The following NOTCH2 variants were observed in gnomAD, a reference collection of about 807,000 sequenced individuals.
NOTCH2 encodes neurogenic locus notch homolog protein 2.
NOTCH2 carries 29 observed loss-of-function variants against 235.8 expected under a neutral mutation model. The observed-to-expected ratio is 0.12, with a 90% CI of 0.09 to 0.17. The LOEUF (loss-of-function observed/expected upper bound fraction) is 0.17. Among genes scored for constraint, NOTCH2 ranks in the 10% least tolerant of loss-of-function variants. The pLI is 1.00. For synonymous variants in NOTCH2, 1,086 were observed against 1,141.5 expected, an observed-to-expected ratio of 0.95 and a Z score of 0.98; for missense variants, 2,285 against 3,150.2, an observed-to-expected ratio of 0.73 and a Z score of 6.57.
In NOTCH2 at chr1:119,915,774, G is replaced by A. The variant is rs1649044584; in HGVS notation, c.6948C>T (p.Ala2316=). Residue 2316 remains alanine (A), a synonymous_variant, in exon 34 of 34, where the codon GCC becomes GCT. Coordinates refer to ENST00000256646, the MANE Select transcript of NOTCH2 (RefSeq NM_024408.4). ...GAGGCTGGGGAGCCCCCGCTGGTTG[G>A]GCAATACTGCCTTTAGGGATGAGCT... is the stretch of plus-strand genomic sequence containing the variant. ...TFQLIPKGSI[A]QPAGAPQPQS... 3 of 1,609,832 alleles carry A rather than the reference G, an allele frequency of 1.9e-6. No homozygotes were observed. The highest frequency in any genetic ancestry group is 1.1e-5 in the South Asian group (1 of 90,828).
At chr1:119,975,818 C>T (rs1276642814) in intron 5 of NOTCH2, among the ~76,000 whole-genome samples, 6 of 152,148 alleles carry the variant, frequency 3.9e-5, no homozygotes, top group South Asian at 2.1e-4. Context: ...CTGTAACACG[C>T]AGGGACACAA....
In NOTCH2 at chr1:119,953,587, T is replaced by A; in HGVS notation, c.2321A>T (p.Asn774Ile). The A allele has an allele frequency of 6.2e-7, 1 of 1,614,202 alleles. No individual in the cohort carries two copies. The highest frequency in any genetic ancestry group is 8.5e-7 in the Non-Finnish European group (1 of 1,180,032). The stretch of plus-strand genomic sequence containing the variant: ...AGTACACCTGTATCCATTCACCAGA[T>A]TGTCACAAGTTCCTCCATTCTGGCA... ...NPCQNGGTCD[N>I]LVNGYRCTCK... Residue 774 changes from asparagine (N) to isoleucine (I), a missense_variant, in exon 14 of 34, where the codon AAT becomes ATT. By Grantham distance (149) the Asn-to-Ile change is moderately radical (BLOSUM62 -3). Transcript: ENST00000256646.
At chr1:120,000,439 C>A (rs1652703482) in intron 3 of NOTCH2, among the ~76,000 whole-genome samples, 1 of 145,532 alleles carries the variant, frequency 6.9e-6, no homozygotes, top group African/African-American at 2.6e-5. Flanking sequence ...GAGGCTGAGG[C>A]AGAAGAATGG....
At chr1:120,002,547 CT>C (rs1652804865) in intron 3 of NOTCH2, among the ~76,000 whole-genome samples, 1 of 146,392 alleles carries the variant, frequency 6.8e-6, no homozygotes, top group Admixed American at 6.8e-5. Context: ...AAAACATAAC[CT>C]GCTGAGGTGT....
chr1:119,954,549 C>T (rs1335042087), intron 13 of NOTCH2, among the ~76,000 whole-genome samples: 1 of 152,160 alleles, frequency 6.6e-6, no homozygotes, highest in East Asian at 1.9e-4. Flanking sequence ...ATCACTAACA[C>T]ATCACACAAG....
chr1:119,916,784 A>G, intron 33 of NOTCH2, 90 bp from the exon 34 acceptor site: 1 of 1,310,268 alleles, frequency 7.6e-7, no homozygotes, highest in South Asian at 1.3e-5. Flanking sequence ...TCACCCCCTT[A>G]GACATGTTTT....
chr1:120,069,342 G>A lies in NOTCH2; in HGVS notation c.65C>T (p.Pro22Leu), dbSNP rs782038396. ...LLALWLCCAA[P>L]AHALQCRDGY... Reference sequence around the variant, plus strand: ...CTCAGCCCGATACTCACCATGCGCGGGGGCCGCGCAGCACAGCCAGAGCGC... The same window carrying A: ...CTCAGCCCGATACTCACCATGCGCGAGGGCCGCGCAGCACAGCCAGAGCGC... Residue 22 changes from proline to leucine, a missense_variant, in exon 1 of 34, where the codon CCC (proline) becomes CTC (leucine). By Grantham distance (98) the Pro-to-Leu change is moderately conservative. Coordinates refer to ENST00000256646, the MANE Select transcript of NOTCH2 (RefSeq NM_024408.4). 13 of 1,570,034 alleles carry A rather than the reference G, an allele frequency of 8.3e-6. No individual in the cohort carries two copies. The highest frequency in any genetic ancestry group is 2.3e-5 in the East Asian group (1 of 43,118).
chr1:119,925,066 G>T (rs929767272), intron 25 of NOTCH2, among the ~76,000 whole-genome samples: 1 of 152,190 alleles, frequency 6.6e-6, no homozygotes, highest in Non-Finnish European at 1.5e-5. Flanking sequence ...AGGAGGTCAC[G>T]AAGGCAGCAG....
intron 15 of NOTCH2, 61 bp downstream of exon 15, chr1:119,950,663 G>C (rs2101118185): frequency 9.7e-7 from 1 of 1,035,680 alleles, no homozygotes; most frequent in East Asian, 2.4e-5. Context: ...CTGAGACTCA[G>C]GCACTGACAA....
chr1:119,961,366 C>T (rs1650930759), intron 11 of NOTCH2, among the ~76,000 whole-genome samples: 1 of 152,208 alleles, frequency 6.6e-6, no homozygotes, highest in Admixed American at 6.5e-5. Flanking sequence ...GAAGGCAGCA[C>T]CCCCTCCCAA....
At chr1:119,921,838 G>T (rs1369794043) in intron 28 of NOTCH2, 29 bp from the exon 29 acceptor site, 1 of 1,554,792 alleles carries the variant, frequency 6.4e-7, no homozygotes, top group Non-Finnish European at 8.9e-7. Flanking sequence ...GAAAAAATAA[G>T]AATGGCAGTC....
At position 119,969,587 on chromosome 1, in the gene NOTCH2, G is replaced by A. The variant is rs782702694; in HGVS notation, c.1032C>T (p.Phe344=). 3.9e-5 allele frequency: 63 copies of A among 1,614,036 alleles called. No homozygotes were observed. Among genetic ancestry groups the A allele is most frequent in the South Asian group, 1.9e-4 (17 of 91,080 alleles). The change falls in exon 6 of 34, where the codon TTC becomes TTT. Residue 344 remains phenylalanine (F), a synonymous_variant. Coordinates refer to ENST00000256646, the MANE Select transcript of NOTCH2 (RefSeq NM_024408.4). ...DCSENIDDCA[F]ASCTPGSTCI... ...AGGTGGAGCCTGGAGTACAGGAGGC[G>A]AAGGCACAATCATCAATGTTCTCAC...
At chr1:120,009,705 G>A (rs1553206676) in intron 2 of NOTCH2, among the ~76,000 whole-genome samples, 1 of 149,568 alleles carries the variant, frequency 6.7e-6, no homozygotes, top group Non-Finnish European at 1.5e-5. Flanking sequence ...CCTATAGGGA[G>A]AATTGCTAAC....
intron 22 of NOTCH2, 147 bp from the exon 23 acceptor site, chr1:119,929,359 GCA>G (rs1380214524): frequency 1.4e-6 from 1 of 714,688 alleles, no homozygotes; most frequent in Non-Finnish European, 2.5e-6. Context: ...GCAGGGCAAA[GCA>G]CACTCTTTAT....
chr1:120,062,848 C>T (rs1435157945), intron 1 of NOTCH2, among the ~76,000 whole-genome samples: 1 of 152,046 alleles, frequency 6.6e-6, no homozygotes, highest in Non-Finnish European at 1.5e-5. Context: ...TATGTATTTA[C>T]ATACACAAGT....
chr1:119,998,009 T>C (rs1283201722), intron 3 of NOTCH2, among the ~76,000 whole-genome samples: 3 of 149,466 alleles, frequency 2.0e-5, no homozygotes, highest in South Asian at 2.2e-4. Flanking sequence ...TCCCTTCTGT[T>C]TTCCTAGTGA....
At chr1:119,984,977 C>CCTA in intron 5 of NOTCH2, among the ~76,000 whole-genome samples, 1 of 151,912 alleles carries the variant, frequency 6.6e-6, no homozygotes, top group South Asian at 2.1e-4. Context: ...AGAAGGAAAC[C>CCTA]CTAGAGAAAA....
chr1:119,935,827 G>C (rs1336133145), intron 21 of NOTCH2, among the ~76,000 whole-genome samples: 3 of 152,126 alleles, frequency 2.0e-5, no homozygotes, highest in Admixed American at 2.0e-4. Context: ...AGTTGAAAAA[G>C]GCACTTTAAA....
At position 119,916,543 on chromosome 1, in the gene NOTCH2, C is replaced by T. The variant is rs113023165; in HGVS notation, c.6179G>A (p.Arg2060His). Residue 2060 changes from arginine to histidine, a missense_variant, in exon 34 of 34, where the codon CGC becomes CAC. This residue lies in a region of NOTCH2 where 504 missense variants were observed against 538.0 expected (regional missense o/e 0.94). Transcript: ENST00000256646. ...GGTCACATTGTATTCATCCAGAAGG[C>T]GCACAATGTCATGGTGCATGCGATC... ...ARDRMHHDIV[R>H]LLDEYNVTPS... 2.9e-5 allele frequency: 46 copies of T among 1,613,798 alleles called. No individual in the cohort carries two copies. The highest frequency in any genetic ancestry group is 8.0e-5 in the African/African-American group (6 of 75,012).
Sources: allele counts gnomAD v4.1 joint callset (sites outside exome capture counted in the v4.1 genomes callset), GRCh38; gene constraint gnomAD v4.1.1; regional missense constraint gnomAD v4.1.1; transcripts MANE v1.5; gene names NCBI Gene and HGNC (gene_info 2026-07-23, HGNC 2026-07-21).